IGF2BP2: variants seen among roughly 807,000 people sequenced by gnomAD.
The protein encoded by IGF2BP2 is insulin-like growth factor 2 mRNA-binding protein 2.
In IGF2BP2, 17 loss-of-function variants were observed where a neutral mutation model predicts 75.8. The observed-to-expected ratio is 0.22, with a 90% CI of 0.15 to 0.34. The LOEUF is 0.34. IGF2BP2 is among the 10% of genes least tolerant of loss of function. The pLI is 1.00. For synonymous variants in IGF2BP2, 288 were observed against 295.6 expected (o/e 0.97, Z 0.26); for missense variants, 516 against 772.4 (o/e 0.67, Z 3.93).
chr3:185,757,487 C>CA (rs1181496981), intron 2 of IGF2BP2, among the ~76,000 whole-genome samples: 1 of 104,346 alleles, frequency 9.6e-6, no homozygotes, highest in Admixed American at 1.3e-4. Context: ...TTTTTTGAGA[C>CA]AGAGTTTTGC....
chr3:185,790,207 A>G (rs1315823735), intron 2 of IGF2BP2, among the ~76,000 whole-genome samples: 4 of 152,166 alleles, frequency 2.6e-5, no homozygotes, highest in Admixed American at 2.6e-4. Context: ...CCTCTTTGCT[A>G]CCAGGTGTGC....
At chr3:185,787,438 AAG>A (rs1379413845) in intron 2 of IGF2BP2, among the ~76,000 whole-genome samples, 14 of 152,336 alleles carry the variant, frequency 9.2e-5, no homozygotes, top group African/African-American at 3.4e-4. Context: ...TTGAGGCTAA[AAG>A]AGCTCTGACA....
chr3:185,680,582 A>G (rs755516322), intron 7 of IGF2BP2, among the ~76,000 whole-genome samples: 7 of 152,250 alleles, frequency 4.6e-5, no homozygotes, highest in Non-Finnish European at 8.8e-5. Context: ...CAAATTCAGC[A>G]TATGAAAAGG....
In IGF2BP2 at chr3:185,647,189, G is replaced by T; in HGVS notation, c.1594-51C>A. On this transcript the variant is annotated intron_variant, in intron 14 of 15. Coordinates refer to ENST00000382199, the MANE Select transcript of IGF2BP2 (RefSeq NM_006548.6). The surrounding 1 kb of genome is among the most constrained non-coding windows in gnomAD (Gnocchi z 4.9). ...TTGGATAGGTTCCCTCCCCGTCAACGTGGTGGGCTCAGGACGGAGTGAGGG... is the reference window on the plus strand; with the variant it reads ...TTGGATAGGTTCCCTCCCCGTCAACTTGGTGGGCTCAGGACGGAGTGAGGG... 1 of 1,330,810 alleles carries T rather than the reference G, an allele frequency of 7.5e-7. No individual in the cohort carries two copies. 82.4% of individuals were successfully genotyped at this position (1,330,810 alleles called of 1,614,324 possible).
chr3:185,725,221 T>C (rs1385938211), intron 2 of IGF2BP2: 1 of 152,230 alleles, frequency 6.6e-6, no homozygotes, highest in African/African-American at 2.4e-5. Flanking sequence ...ATGGTGGTTA[T>C]TTTATGCCAC....
chr3:185,754,049 A>T (rs1271890982), intron 2 of IGF2BP2, among the ~76,000 whole-genome samples: 1 of 152,016 alleles, frequency 6.6e-6, no homozygotes. Context: ...ACAAAAAAAA[A>T]AATACAAACA....
At chr3:185,769,542 A>G (rs996460040) in intron 2 of IGF2BP2, among the ~76,000 whole-genome samples, 15 of 152,156 alleles carry the variant, frequency 9.9e-5, no homozygotes, top group Admixed American at 9.8e-4. Flanking sequence ...CATGGTCTCC[A>G]AAGATTAGAA....
At chr3:185,789,529 A>G (rs1440750068) in intron 2 of IGF2BP2, among the ~76,000 whole-genome samples, 1 of 152,128 alleles carries the variant, frequency 6.6e-6, no homozygotes, top group Non-Finnish European at 1.5e-5. Flanking sequence ...GACAAAAATT[A>G]ACGCAACACT....
At chr3:185,723,228 C>G (rs1282247431) in intron 2 of IGF2BP2, among the ~76,000 whole-genome samples, 2 of 152,140 alleles carry the variant, frequency 1.3e-5, no homozygotes, top group Non-Finnish European at 2.9e-5. Flanking sequence ...ACGCAAACAG[C>G]TAAGTTTCTA....
chr3:185,790,462 C>A (rs972364233), intron 2 of IGF2BP2, among the ~76,000 whole-genome samples: 16 of 152,114 alleles, frequency 1.1e-4, no homozygotes, highest in Non-Finnish European at 2.1e-4. Flanking sequence ...TCAAACAGCC[C>A]ACGTAAATTA....
rs1728080443 is a variant in IGF2BP2 at position 185,730,931 on chromosome 3, G to A, written c.240-32584C>T. Among the ~76,000 whole-genome samples, 9 of 152,214 alleles carry A rather than the reference G, an allele frequency of 5.9e-5. 1 individual carries two copies. The South Asian group carries it at 1.9e-3, about 32-fold the overall frequency. Reference sequence around the variant, plus strand: ...ATAATAGCCATTCTGACTGGTATAAGATAATACCTCAATGTGGTTTTAATT... The same window carrying A: ...ATAATAGCCATTCTGACTGGTATAAAATAATACCTCAATGTGGTTTTAATT... On this transcript the variant is annotated intron_variant, in intron 2 of 15. Transcript: ENST00000382199.
chr3:185,672,577 G>A lies in IGF2BP2; in HGVS notation c.1164C>T (p.Arg388=), dbSNP rs369501792. The change falls in exon 10 of 16, where the codon CGC becomes CGT. Residue 388 remains arginine (R), a synonymous_variant. Coordinates refer to ENST00000382199, the MANE Select transcript of IGF2BP2 (RefSeq NM_006548.6). The part of the protein sequence containing the change: ...LSVLSPPAGP[R]GAPPAAPYHP... The stretch of plus-strand genomic sequence containing the variant: ...GGTAGGGGGCAGCGGGGGGAGCTCC[G>A]CGGGGCCCTGCTGGTGGAGATAGCA... 63 of 1,613,118 alleles carry A rather than the reference G, an allele frequency of 3.9e-5. No individual in the cohort carries two copies. Among genetic ancestry groups the A allele is most frequent in the African/African-American group, 5.3e-5 (4 of 74,914 alleles).
At chr3:185,824,140 C>T (rs1741723334) in intron 1 of IGF2BP2, among the ~76,000 whole-genome samples, 1 of 151,586 alleles carries the variant, frequency 6.6e-6, no homozygotes, top group Non-Finnish European at 1.5e-5. Flanking sequence ...CGGGAAAGGA[C>T]CGAGGGGATG....
At chr3:185,688,053 C>T (rs1294499296) in intron 6 of IGF2BP2, among the ~76,000 whole-genome samples, 4 of 152,086 alleles carry the variant, frequency 2.6e-5, no homozygotes, top group Non-Finnish European at 4.4e-5. Flanking sequence ...CAAACAGTAA[C>T]TTCCCTCTCT....
At chr3:185,756,530 T>C (rs1027992420) in intron 2 of IGF2BP2, among the ~76,000 whole-genome samples, 1 of 151,840 alleles carries the variant, frequency 6.6e-6, no homozygotes, top group African/African-American at 2.4e-5. Flanking sequence ...ATCTGCCTCT[T>C]TTTTTTTGGC....
intron 15 of IGF2BP2, among the ~76,000 whole-genome samples, chr3:185,646,241 AG>A (rs926538271): frequency 5.6e-4 from 85 of 152,168 alleles, no homozygotes; most frequent in African/African-American, 2.0e-3. Context: ...AGAAGACTCA[AG>A]TGAGAATTTC....
At chr3:185,787,056 T>C (rs551132213) in intron 2 of IGF2BP2, among the ~76,000 whole-genome samples, 5 of 152,310 alleles carry the variant, frequency 3.3e-5, no homozygotes, top group Non-Finnish European at 5.9e-5. Context: ...AGAGGAATAA[T>C]AGCTAACATT....
At chr3:185,782,075 GT>G (rs1735280804) in intron 2 of IGF2BP2, among the ~76,000 whole-genome samples, 1 of 152,020 alleles carries the variant, frequency 6.6e-6, no homozygotes. Context: ...ATATGTACTG[GT>G]TCTGAGATCT....
Position 185,687,116 on chromosome 3 carries a change from A to G in IGF2BP2, c.753T>C (p.Thr251=), listed in dbSNP as rs1721250671. The change falls in exon 7 of 16, where the codon ACT becomes ACC. Residue 251 remains threonine (T), a synonymous_variant. Transcript: ENST00000382199. The part of the protein sequence containing the change: ...PVTIHATPEG[T]SEACRMILEI... ...CAAGAATCATGCGGCATGCTTCAGA[A>G]GTCCCCTCTGGGGTGGCATGGATGG... 1 of 1,613,912 alleles carries G rather than the reference A, an allele frequency of 6.2e-7. No individual in the cohort carries two copies. The highest frequency in any genetic ancestry group is 8.5e-7 in the Non-Finnish European group (1 of 1,179,970).
Sources: gnomAD v4.1 joint callset for allele counts (sites outside exome capture counted in the v4.1 genomes callset) on GRCh38, gnomAD v4.1.1 for gene constraint, Gnocchi (gnomAD v3.1) non-coding constraint, MANE v1.5 for transcripts, NCBI Gene and HGNC (gene_info 2026-07-23, HGNC 2026-07-21) for gene names.